ZNF546: variants seen among roughly 807,000 people sequenced by gnomAD.
ZNF546 encodes zinc finger protein 546.
A neutral mutation model predicts 76.2 loss-of-function variants in ZNF546; 60 were observed. The ratio of observed to expected loss-of-function variants is 0.79; its 90% CI spans 0.64 to 0.98. The LOEUF is 0.98. ZNF546 is among the 50% of genes least tolerant of loss of function. ZNF546 has a pLI of 0.00. For missense variants in ZNF546, 936 were observed against 1,035.6 expected (o/e 0.90, Z 1.32); for synonymous variants, 277 against 328.1 (o/e 0.84, Z 1.68).
In ZNF546 at chr19:40,013,867, A is replaced by G. The variant is rs372180756; in HGVS notation, c.597A>G (p.Gln199=). 24 of 1,607,990 alleles carry G rather than the reference A, an allele frequency of 1.5e-5. No homozygotes were observed. Among genetic ancestry groups the G allele is most frequent in the Non-Finnish European group, 2.0e-5 (23 of 1,177,410 alleles). The change falls in exon 7 of 7, where the codon CAA becomes CAG. Residue 199 remains glutamine (Q), a synonymous_variant. Coordinates refer to ENST00000347077, the MANE Select transcript of ZNF546 (RefSeq NM_178544.5). ...GATGCGTTAGTCAAATGCTAATCCA[A>G]AAACAAATATCTCATCCTCTACATC... is the stretch of plus-strand genomic sequence containing the variant. ...QMGCVSQMLI[Q]KQISHPLHPK...
At chr19:40,005,521 T>C (rs1971592972) in intron 3 of ZNF546, among the ~76,000 whole-genome samples, 1 of 152,168 alleles carries the variant, frequency 6.6e-6, no homozygotes, top group South Asian at 2.1e-4. Context: ...TTCTAATAAT[T>C]GTCAACTGGT....
rs768238553 is a variant in ZNF546, at chr19:40,015,103, T to C, written c.1833T>C (p.Cys611=). 5 of 1,614,118 alleles carry C rather than the reference T, an allele frequency of 3.1e-6. No homozygotes were observed. The East Asian group carries it at 1.1e-4, about 36-fold the overall frequency. ...KIHTGEKPYI[C]NECGKAFRFQ... is the part of the protein sequence containing the mutation. ...ATACTGGTGAAAAACCCTACATATG[T>C]AATGAATGTGGGAAAGCCTTTCGAT... The change falls in exon 7 of 7, where the codon TGT becomes TGC. Residue 611 remains cysteine (C), a synonymous_variant. Coordinates refer to ENST00000347077, the MANE Select transcript of ZNF546 (RefSeq NM_178544.5).
Position 40,020,667 on chromosome 19 carries a change from A to G in ZNF546, c.*4886A>G. On this transcript the variant is annotated 3_prime_UTR_variant, in exon 7 of 7. Coordinates refer to ENST00000347077, the MANE Select transcript of ZNF546 (RefSeq NM_178544.5). The stretch of plus-strand genomic sequence containing the variant: ...TCTTTCAGTAAAGAAAATTTGCTTA[A>G]TTTTATCTAGTGCATGATAAACTTT... The G allele has an allele frequency of 6.6e-6, 1 of 152,294 alleles. No homozygotes were observed. The highest frequency in any genetic ancestry group is 2.1e-4 in the South Asian group (1 of 4,824). 9.4% of individuals were successfully genotyped at this position (152,294 alleles called of 1,614,324 possible). A position where few individuals can be genotyped will look rare whatever the true frequency, so the allele number is the denominator to read the frequency against.
At chr19:40,004,535 C>T (rs1459951837) in intron 3 of ZNF546, among the ~76,000 whole-genome samples, 1 of 152,108 alleles carries the variant, frequency 6.6e-6, no homozygotes, top group Non-Finnish European at 1.5e-5. Flanking sequence ...TCCCAGCGTG[C>T]TAGGATTACA....
intron 3 of ZNF546, 199 bp downstream of exon 3, chr19:39,998,609 G>A (rs1971486245): frequency 1.9e-6 from 1 of 538,178 alleles, no homozygotes; most frequent in East Asian, 3.0e-5. Context: ...TTTAGAAGTG[G>A]GAATGTGATT....
At chr19:40,003,857 C>A (rs1174900445) in intron 3 of ZNF546, among the ~76,000 whole-genome samples, 1 of 151,522 alleles carries the variant, frequency 6.6e-6, no homozygotes, top group South Asian at 2.1e-4. Flanking sequence ...ACTAAAAATA[C>A]CAAAATTAGC....
In ZNF546 at chr19:40,006,111, ATT is replaced by A; in HGVS notation, c.101_102del (p.Ile34ThrfsTer19). On this transcript the variant is annotated frameshift_variant, in exon 4 of 7. Coordinates refer to ENST00000347077, the MANE Select transcript of ZNF546 (RefSeq NM_178544.5). LOFTEE classifies it high-confidence loss of function. Reference protein sequence around the residue: ...SLSIMPRFLWILCFSMEETQG... With the variant: ...SLSIMPRFLWXLCFSMEETQG... ...TTCCCCCCAGCCCCGGTTTCTCTGGATTCTGTGCTTCTCCATGGAGGAAACTC... is the reference window on the plus strand; with the variant it reads ...TTCCCCCCAGCCCCGGTTTCTCTGGACTGTGCTTCTCCATGGAGGAAACTC... 2 of 1,613,976 alleles carry A rather than the reference ATT, an allele frequency of 1.2e-6. No individual in the cohort carries two copies. The highest frequency in any genetic ancestry group is 1.7e-6 in the Non-Finnish European group (2 of 1,179,956).
chr19:40,012,642 A>C (rs1473209983), intron 6 of ZNF546, among the ~76,000 whole-genome samples: 1 of 152,166 alleles, frequency 6.6e-6, no homozygotes, highest in African/African-American at 2.4e-5. Context: ...TCTCCATCAA[A>C]GCCATTTGAT....
intron 3 of ZNF546, among the ~76,000 whole-genome samples, chr19:40,001,991 A>G (rs1418006397): frequency 6.6e-6 from 1 of 152,210 alleles, no homozygotes; most frequent in Admixed American, 6.5e-5. Context: ...TAATTTACCA[A>G]CAAACTAACT....
At chr19:39,999,033 A>T (rs1489214739) in intron 3 of ZNF546, among the ~76,000 whole-genome samples, 1 of 152,232 alleles carries the variant, frequency 6.6e-6, no homozygotes, top group Non-Finnish European at 1.5e-5. Flanking sequence ...TTGGCCTCCC[A>T]AAGTGCTGGG....
At chr19:40,009,379 A>G (rs541871697) in intron 6 of ZNF546, among the ~76,000 whole-genome samples, 1 of 152,334 alleles carries the variant, frequency 6.6e-6, no homozygotes, top group East Asian at 1.9e-4. Context: ...TTGGGAATAT[A>G]TGGAAGTGGA....
intron 5 of ZNF546, among the ~76,000 whole-genome samples, chr19:40,007,927 G>T (rs1382124021): frequency 2.6e-5 from 4 of 152,108 alleles, no homozygotes; most frequent in Non-Finnish European, 4.4e-5. Flanking sequence ...TTCTGTTGAA[G>T]GAATATCTGA....
chr19:40,000,615 CAAAAAAAAA>C (rs550470156), intron 3 of ZNF546, among the ~76,000 whole-genome samples: 1 of 56,786 alleles, frequency 1.8e-5, no homozygotes, highest in African/African-American at 6.2e-5. Flanking sequence ...GACTCTGTCT[CAAAAAAAAA>C]AAAAAAAAAG....
At chr19:40,009,019 G>A (rs1971640061) in intron 6 of ZNF546, among the ~76,000 whole-genome samples, 1 of 152,178 alleles carries the variant, frequency 6.6e-6, no homozygotes, top group Non-Finnish European at 1.5e-5. Flanking sequence ...AGGGAAACAT[G>A]TTGTCAATAC....
chr19:40,004,130 A>G (rs1345331454), intron 3 of ZNF546, among the ~76,000 whole-genome samples: 1 of 108,818 alleles, frequency 9.2e-6, no homozygotes, highest in Non-Finnish European at 1.6e-5. Context: ...CTATATTAAT[A>G]TATATATATA....
At chr19:40,013,640 C>CTTTTTTTTTTT (rs546130223) in intron 6 of ZNF546, 25 bp from the exon 7 acceptor site, 2 of 1,092,224 alleles carry the variant, frequency 1.8e-6, no homozygotes. Context: ...TTACTCTTTG[C>CTTTTTTTTTTT]TTTTTTTTTT....
Position 40,015,878 on chromosome 19 carries a change from C to T in ZNF546, c.*97C>T. On this transcript the variant is annotated 3_prime_UTR_variant, in exon 7 of 7. Coordinates refer to ENST00000347077, the MANE Select transcript of ZNF546 (RefSeq NM_178544.5). ...ACGGAACATGTGGGAATCCCTTTTA[C>T]TTCATGCTCACAATTTATCAGAAAT... The T allele has an allele frequency of 9.3e-7, 1 of 1,073,986 alleles. No individual in the cohort carries two copies. Among genetic ancestry groups the T allele is most frequent in the Non-Finnish European group, 1.4e-6 (1 of 711,142 alleles). 66.5% of individuals were successfully genotyped at this position (1,073,986 alleles called of 1,614,324 possible).
chr19:40,002,754 C>G (rs1322962113), intron 3 of ZNF546, among the ~76,000 whole-genome samples: 4 of 148,788 alleles, frequency 2.7e-5, no homozygotes, highest in Admixed American at 6.7e-5. Context: ...GGCTGGAGTA[C>G]AGTGGCGAGA....
At chr19:40,011,098 C>T (rs116492005) in intron 6 of ZNF546, among the ~76,000 whole-genome samples, 94 of 152,288 alleles carry the variant, frequency 6.2e-4, no homozygotes, top group African/African-American at 2.2e-3. Flanking sequence ...TTAACAGTGT[C>T]TTCTGAATAG....
Sources: gnomAD v4.1 joint callset for allele counts (sites outside exome capture counted in the v4.1 genomes callset) on GRCh38, gnomAD v4.1.1 for gene constraint, MANE v1.5 for transcripts, NCBI Gene and HGNC (gene_info 2026-07-23, HGNC 2026-07-21) for gene names.